Variants in MYOF observed in about 807,000 individuals in gnomAD.
The protein encoded by MYOF is fer-1-like 3, myoferlin.
A neutral mutation model predicts 284.2 loss-of-function variants in MYOF; 244 were observed. The observed-to-expected ratio is 0.86, with a 90% confidence interval of 0.77 to 0.95. MYOF has a LOEUF of 0.95. MYOF is among the 40% of genes least tolerant of loss of function. MYOF has a pLI of 0.00. For synonymous variants in MYOF, 904 were observed against 919.7 expected (o/e 0.98, Z 0.31); for missense variants, 2,496 against 2,560.6 (o/e 0.97, Z 0.54).
At chr10:93,359,428 A>C (rs1844964807) in intron 29 of MYOF, among the ~76,000 whole-genome samples, 1 of 152,234 alleles carries the variant, frequency 6.6e-6, no homozygotes, top group South Asian at 2.1e-4. Flanking sequence ...TTTGCAGATG[A>C]GAAAGAAAGG....
At chr10:93,320,639 G>A (rs910606302) in intron 48 of MYOF, among the ~76,000 whole-genome samples, 12 of 151,940 alleles carry the variant, frequency 7.9e-5, no homozygotes, top group African/African-American at 2.4e-4. Flanking sequence ...TCTTCTGCTT[G>A]TGCCTGGCAC....
chr10:93,325,853 G>A lies in MYOF; in HGVS notation c.5244C>T (p.His1748=), dbSNP rs201546363. 8 of 1,614,100 alleles carry A rather than the reference G, an allele frequency of 5.0e-6. No individual in the cohort carries two copies. In the African/African-American group the frequency reaches 8.0e-5, roughly 16 times the overall value. Residue 1748 remains histidine (H), a synonymous_variant, in exon 46 of 54, where the codon CAC becomes CAT. Transcript: ENST00000359263. ...VPEHVETRTL[H]STFQPNISQG... is the part of the protein sequence containing the mutation. ...GGGAAATGTTGGGCTGGAAGGTGCT[G>A]TGCAAAGTCCTTGTTTCCACGTGCT...
At chr10:93,448,406 A>G (rs531201424) in intron 3 of MYOF, among the ~76,000 whole-genome samples, 2 of 152,232 alleles carry the variant, frequency 1.3e-5, no homozygotes, top group Non-Finnish European at 2.9e-5. Flanking sequence ...ATGGGATATA[A>G]CAGTTTCTTC....
intron 16 of MYOF, among the ~76,000 whole-genome samples, chr10:93,394,690 G>T (rs1846902762): frequency 6.9e-6 from 1 of 145,274 alleles, no homozygotes; most frequent in Non-Finnish European, 1.5e-5. Flanking sequence ...TCGATCTCCT[G>T]ACCTCGTGAT....
At chr10:93,346,389 A>G (rs1307626280) in intron 37 of MYOF, among the ~76,000 whole-genome samples, 2 of 152,246 alleles carry the variant, frequency 1.3e-5, no homozygotes, top group East Asian at 3.9e-4. Flanking sequence ...TGAAGCCACC[A>G]AGGATCAGCC....
intron 9 of MYOF, 54 bp downstream of exon 9, chr10:93,403,969 T>C: frequency 6.4e-7 from 1 of 1,573,690 alleles, no homozygotes; most frequent in South Asian, 1.1e-5. Context: ...AGATTTCTAT[T>C]ATGAAAGTTC....
At chr10:93,355,152 TTTCA>T in intron 31 of MYOF, among the ~76,000 whole-genome samples, 1 of 152,220 alleles carries the variant, frequency 6.6e-6, no homozygotes, top group Non-Finnish European at 1.5e-5. Context: ...GTGATATGGT[TTTCA>T]ACTGTAGTTT....
intron 38 of MYOF, chr10:93,341,873 C>T (rs1231556460): frequency 2.4e-6 from 3 of 1,269,624 alleles, no homozygotes; most frequent in Admixed American, 2.3e-5. Context: ...CAAGGTCCCA[C>T]AGTCCCAGGC....
At chr10:93,473,527 A>T (rs890475231) in intron 1 of MYOF, among the ~76,000 whole-genome samples, 2 of 152,258 alleles carry the variant, frequency 1.3e-5, no homozygotes, top group African/African-American at 4.8e-5. Flanking sequence ...CAACAATTAT[A>T]GACAATATGC....
intron 4 of MYOF, among the ~76,000 whole-genome samples, chr10:93,430,934 G>A (rs11599266): frequency 0.13 from 19,886 of 151,600 alleles, 1,358 homozygotes; most frequent in Middle Eastern, 0.2. Flanking sequence ...TTGTGTGTGT[G>A]GTTAGCTAAT....
chr10:93,381,137 G>C (rs760659517), intron 20 of MYOF, 82 bp downstream of exon 20: 370 of 1,424,286 alleles, frequency 2.6e-4, no homozygotes, highest in Non-Finnish European at 3.5e-4. Context: ...AACAGTGCCA[G>C]AGGGAAGACA....
chr10:93,431,352 A>C lies in MYOF; in HGVS notation c.345+56T>G, dbSNP rs766931066. ...CCGGCCTTAGACCTTTTTCTTAATG[A>C]AATTTTGCTCAATCATCTCACTTCA... On this transcript the variant is annotated intron_variant, in intron 4 of 53. Coordinates refer to ENST00000359263, the MANE Select transcript of MYOF (RefSeq NM_013451.4). 1.2e-4 allele frequency: 186 copies of C among 1,500,418 alleles called. 1 individual carries two copies. The highest frequency in any genetic ancestry group is 8.8e-4 in the South Asian group (78 of 88,376). The allele number at this position is 1,500,418 out of a possible 1,614,324, so 92.9% of individuals were successfully genotyped here. A position where few individuals can be genotyped will look rare whatever the true frequency, so the allele number is the denominator to read the frequency against.
At chr10:93,430,369 G>A (rs1848786185) in intron 4 of MYOF, among the ~76,000 whole-genome samples, 2 of 151,836 alleles carry the variant, frequency 1.3e-5, no homozygotes, top group South Asian at 4.2e-4. Flanking sequence ...ATCACCTGAG[G>A]TCAGGAGTTC....
At chr10:93,377,179 A>G in intron 22 of MYOF, 144 bp downstream of exon 22, 1 of 621,240 alleles carries the variant, frequency 1.6e-6, no homozygotes, top group South Asian at 2.2e-5. Flanking sequence ...CACTCCTCCC[A>G]GTGAGGACTT....
At chr10:93,433,618 G>A (rs1848971187) in intron 3 of MYOF, among the ~76,000 whole-genome samples, 1 of 152,184 alleles carries the variant, frequency 6.6e-6, no homozygotes, top group Non-Finnish European at 1.5e-5. Context: ...AAATATCCGG[G>A]TGAGGAAACT....
intron 17 of MYOF, among the ~76,000 whole-genome samples, chr10:93,392,680 G>T (rs567273725): frequency 6.6e-6 from 1 of 152,138 alleles, no homozygotes; most frequent in Non-Finnish European, 1.5e-5. Flanking sequence ...AGCCAAATAC[G>T]ATGGTGTGCA....
Position 93,404,055 on chromosome 10 carries a change from G to GA in MYOF, c.810dup (p.Leu271SerfsTer11). 1 of 1,614,120 alleles carries GA rather than the reference G, an allele frequency of 6.2e-7. No individual in the cohort carries two copies. Among genetic ancestry groups the GA allele is most frequent in the Non-Finnish European group, 8.5e-7 (1 of 1,179,994 alleles). ...TCCCCCATCAGACAATCTGCCCGCA[G>GA]AGAGTGAGAATTATAAACCTGGAAG... On this transcript the variant is annotated frameshift_variant, in exon 9 of 54. Coordinates refer to ENST00000359263, the MANE Select transcript of MYOF (RefSeq NM_013451.4). LOFTEE classifies it high-confidence loss of function.
intron 39 of MYOF, chr10:93,338,609 A>G (rs1843722673): frequency 2.3e-6 from 1 of 434,038 alleles, no homozygotes; most frequent in Non-Finnish European, 4.6e-6. Context: ...AAAACGTGAA[A>G]CGAAAGGCAG....
chr10:93,320,047 G>GTGAT (rs1564615097), intron 48 of MYOF, 34 bp from the exon 49 acceptor site: 1 of 1,611,462 alleles, frequency 6.2e-7, no homozygotes, highest in Admixed American at 1.7e-5. Context: ...TTAGCTTCAC[G>GTGAT]TGATTGACAA....
Sources: allele counts gnomAD v4.1 joint callset (sites outside exome capture counted in the v4.1 genomes callset), GRCh38; gene constraint gnomAD v4.1.1; transcripts MANE v1.5; gene names NCBI Gene and HGNC (gene_info 2026-07-23, HGNC 2026-07-21).